The following SPOCD1 variants were observed in gnomAD, a reference collection of about 807,000 sequenced individuals.
SPOCD1 encodes SPOC domain-containing protein 1.
A neutral mutation model predicts 92.2 loss-of-function variants in SPOCD1; 64 were observed. That is an observed-to-expected ratio of 0.69 (90% CI 0.57 to 0.86). The LOEUF (loss-of-function observed/expected upper bound fraction) is 0.86. SPOCD1 is among the 40% of genes least tolerant of loss of function. The pLI, the probability that SPOCD1 is intolerant of heterozygous loss-of-function variation, is 0.00. For synonymous variants in SPOCD1, 578 were observed against 619.3 expected (o/e 0.93, Z 0.99); for missense variants, 1,360 against 1,543.1 (o/e 0.88, Z 1.99).
At chr1:31,807,780 G>C (rs1340705727) in intron 2 of SPOCD1, among the ~76,000 whole-genome samples, 1 of 151,068 alleles carries the variant, frequency 6.6e-6, no homozygotes, top group Non-Finnish European at 1.5e-5. Flanking sequence ...AAGAGAGGAG[G>C]TATAACTAGC....
chr1:31,791,313 A>G, intron 15 of SPOCD1, 22 bp from the exon 16 acceptor site: 2 of 1,480,678 alleles, frequency 1.4e-6, no homozygotes, highest in Non-Finnish European at 9.0e-7. Flanking sequence ...AACTGTGTTC[A>G]GCTTAGCTGC....
At chr1:31,793,517 T>C in intron 12 of SPOCD1, 89 bp from the exon 13 acceptor site, 1 of 1,529,688 alleles carries the variant, frequency 6.5e-7, no homozygotes. Flanking sequence ...AGATCCTGTG[T>C]CCCTACTGTG....
chr1:31,811,696 C>T (rs1649210186), intron 2 of SPOCD1, among the ~76,000 whole-genome samples: 1 of 152,220 alleles, frequency 6.6e-6, no homozygotes, highest in Non-Finnish European at 1.5e-5. Context: ...CCCCATTGCC[C>T]AGGCCCCACT....
At chr1:31,808,689 G>A (rs1248142520) in intron 2 of SPOCD1, among the ~76,000 whole-genome samples, 2 of 152,000 alleles carry the variant, frequency 1.3e-5, no homozygotes, top group African/African-American at 4.8e-5. Flanking sequence ...AACAGTCTTA[G>A]CTAGTACAGT....
Position 31,798,719 on chromosome 1 carries a change from G to T in SPOCD1, c.1869-118C>A. On this transcript the variant is annotated intron_variant, in intron 7 of 15. Coordinates refer to ENST00000360482, the MANE Select transcript of SPOCD1 (RefSeq NM_144569.7). The surrounding 1 kb of genome is among the most constrained non-coding windows in gnomAD (Gnocchi z 4.1). ...CTGGGCCAACTTGTTCCTGTCGTGG[G>T]TGTTTCCCTGCAGGAACCTACTTAT... The T allele has an allele frequency of 1.8e-6, 2 of 1,132,200 alleles. No homozygotes were observed. Among genetic ancestry groups the T allele is most frequent in the Non-Finnish European group, 2.5e-6 (2 of 805,190 alleles). The allele number at this position is 1,132,200 out of a possible 1,614,324, so 70.1% of individuals were successfully genotyped here.
chr1:31,800,414 G>T, intron 4 of SPOCD1, 27 bp downstream of exon 4: 1 of 1,531,970 alleles, frequency 6.5e-7, no homozygotes, highest in Non-Finnish European at 8.8e-7. Context: ...CTCTCAGCAG[G>T]ATTAAATGAC....
intron 2 of SPOCD1, among the ~76,000 whole-genome samples, chr1:31,806,907 CA>C (rs1250412662): frequency 2.6e-5 from 4 of 152,054 alleles, no homozygotes; most frequent in Non-Finnish European, 5.9e-5. Context: ...CTTTGAAATT[CA>C]GTGTATATTT....
At chr1:31,795,755 C>G (rs1466813338) in intron 10 of SPOCD1, 1 of 152,276 alleles carries the variant, frequency 6.6e-6, no homozygotes, top group African/African-American at 2.4e-5. Context: ...AGAACCGTGC[C>G]TGGCACCTGG....
chr1:31,800,606 C>A lies in SPOCD1; in HGVS notation c.1437G>T (p.Gly479=). Residue 479 remains glycine (G), a synonymous_variant, in exon 4 of 16, where the codon GGG becomes GGT. Transcript: ENST00000360482. ...TGGCCCCCAGGAGCTGGATCACTGG[C>A]CCGGAACCCAGCTGCGGGGGAGATC... ...GVKLVCYLGS[G]PVIQLLGAIS... The A allele has an allele frequency of 6.2e-7, 1 of 1,605,148 alleles. No individual in the cohort carries two copies. Among genetic ancestry groups the A allele is most frequent in the Admixed American group, 1.7e-5 (1 of 59,472 alleles).
chr1:31,814,376 G>A lies in SPOCD1; in HGVS notation c.958C>T (p.Gln320Ter). 4 of 1,606,918 alleles carry A rather than the reference G, an allele frequency of 2.5e-6. No individual in the cohort carries two copies. Among genetic ancestry groups the A allele is most frequent in the Non-Finnish European group, 3.4e-6 (4 of 1,176,356 alleles). The change falls in exon 2 of 16, where the codon CAG becomes TAG. Residue 320 changes from glutamine (Q) to a stop codon, truncating the protein, a stop_gained. Coordinates refer to ENST00000360482, the MANE Select transcript of SPOCD1 (RefSeq NM_144569.7). LOFTEE classifies it high-confidence loss of function. This position sits in a 1 kb window ranked among gnomAD's most constrained non-coding sequence, Gnocchi z 4.2. ...SGGESLSSAA[Q>*]APPQSAALCL... ...AGTGCTGCGCTCTGTGGAGGAGCCTGTGCAGCTGAACTGAGGGACTCCCCT... is the reference window on the plus strand; with the variant it reads ...AGTGCTGCGCTCTGTGGAGGAGCCTATGCAGCTGAACTGAGGGACTCCCCT...
In SPOCD1 at chr1:31,801,712, G is replaced by T. The variant is rs770900117; in HGVS notation, c.1384-7C>A. 1 of 1,613,170 alleles carries T rather than the reference G, an allele frequency of 6.2e-7. No homozygotes were observed. Among genetic ancestry groups the T allele is most frequent in the South Asian group, 1.1e-5 (1 of 91,064 alleles). ...GGGGTATTTTCACTTCCTCCTTGGA[G>T]AGAAAGAGGATGCAGAGATTAGAAT... On this transcript the variant is annotated splice_region_variant and splice_polypyrimidine_tract_variant and intron_variant, in intron 2 of 15. Coordinates refer to ENST00000360482, the MANE Select transcript of SPOCD1 (RefSeq NM_144569.7).
chr1:31,806,337 A>G (rs1648816681), intron 2 of SPOCD1, among the ~76,000 whole-genome samples: 1 of 152,206 alleles, frequency 6.6e-6, no homozygotes, highest in Non-Finnish European at 1.5e-5. Flanking sequence ...CATGCAACAT[A>G]TATAAAAATT....
At position 31,798,207 on chromosome 1, in the gene SPOCD1, C is replaced by T. The variant is rs758436572; in HGVS notation, c.2145G>A (p.Arg715=). ...CATCCCGACTGGGCTCAGCACTCACCCTTTTCTCCTCCTGGTCCCGCCAGC... is the reference window on the plus strand; with the variant it reads ...CATCCCGACTGGGCTCAGCACTCACTCTTTTCTCCTCCTGGTCCCGCCAGC... ...LARWRDQEEK[R]GLNIIEQQQK... The change falls in exon 9 of 16, where the codon AGG becomes AGA. Residue 715 remains arginine (R), a splice_region_variant and synonymous_variant. Coordinates refer to ENST00000360482, the MANE Select transcript of SPOCD1 (RefSeq NM_144569.7). The surrounding 1 kb of genome is among the most constrained non-coding windows in gnomAD (Gnocchi z 4.1). 6.2e-7 allele frequency: 1 copy of T among 1,613,452 alleles called. No homozygotes were observed. The highest frequency in any genetic ancestry group is 1.1e-5 in the South Asian group (1 of 91,058).
In SPOCD1 at chr1:31,790,929, C is replaced by T. The variant is rs778687876; in HGVS notation, c.3325G>A (p.Gly1109Arg). The T allele has an allele frequency of 6.7e-5, 105 of 1,577,434 alleles. No homozygotes were observed. Among genetic ancestry groups the T allele is most frequent in the Non-Finnish European group, 7.8e-5 (91 of 1,163,298 alleles). The change falls in exon 16 of 16, where the codon GGG becomes AGG. Residue 1109 changes from glycine (G) to arginine (R), a missense_variant. Gly to Arg is a moderately radical substitution (Grantham distance 125). Transcript: ENST00000360482. ...EPENWQHPGR[G>R]QWPPEPGLRQ... ...AAGCCTGGCTCTGGGGGCCACTGCC[C>T]TCGCCCAGGATGCTGCCAGTTTTCA...
chr1:31,814,282 C>A lies in SPOCD1; in HGVS notation c.1052G>T (p.Ser351Ile). ...QEAVCVVRTG[S>I]DEGQAPAQDQ... Reference sequence around the variant, plus strand: ...CTGTGCTGGAGCCTGGCCTTCATCGCTGCCAGTCCGCACGACACACACAGC... The same window carrying A: ...CTGTGCTGGAGCCTGGCCTTCATCGATGCCAGTCCGCACGACACACACAGC... The change falls in exon 2 of 16, where the codon AGC becomes ATC. Residue 351 changes from serine to isoleucine, a missense_variant. Transcript: ENST00000360482. This position sits in a 1 kb window ranked among gnomAD's most constrained non-coding sequence, Gnocchi z 4.2. The A allele has an allele frequency of 6.3e-7, 1 of 1,579,430 alleles. No homozygotes were observed. Among genetic ancestry groups the A allele is most frequent in the Non-Finnish European group, 8.6e-7 (1 of 1,160,050 alleles).
In SPOCD1 at chr1:31,790,460, A is replaced by G. The variant is rs1647501144; in HGVS notation, c.*143T>C. On this transcript the variant is annotated 3_prime_UTR_variant, in exon 16 of 16. Transcript: ENST00000360482. ...AAATTCTTTATTGAACAAAAAATCA[A>G]CAGCAAACATTGTCAAACAGGAAGT... The G allele has an allele frequency of 1.3e-6, 1 of 775,772 alleles. No individual in the cohort carries two copies. Among genetic ancestry groups the G allele is most frequent in the Non-Finnish European group, 2.1e-6 (1 of 486,720 alleles). 48.1% of individuals were successfully genotyped at this position (775,772 alleles called of 1,614,324 possible). A position where few individuals can be genotyped will look rare whatever the true frequency, so the allele number is the denominator to read the frequency against.
rs780774832 is a variant in SPOCD1, at chr1:31,790,894, G to A, written c.3360C>T (p.Ser1120=). 6.3e-7 allele frequency: 1 copy of A among 1,583,878 alleles called. No individual in the cohort carries two copies. The highest frequency in any genetic ancestry group is 8.6e-7 in the Non-Finnish European group (1 of 1,165,372). Residue 1120 remains serine, a synonymous_variant, in exon 16 of 16, where the codon TCC becomes TCT. Transcript: ENST00000360482. The part of the protein sequence containing the change: ...QWPPEPGLRQ[S]QHPYSVAPAG... ...CTGGTGCTACTGAATAGGGATGCTG[G>A]GACTGGCGCAAGCCTGGCTCTGGGG... is the stretch of plus-strand genomic sequence containing the variant.
In SPOCD1 at chr1:31,794,188, T is replaced by A. The variant is rs1225924105; in HGVS notation, c.2319A>T (p.Ala773=). The change falls in exon 11 of 16, where the codon GCA becomes GCT. Residue 773 remains alanine (A), a synonymous_variant. Transcript: ENST00000360482. ...CATGCTGCCCCGTGGTGTCCTCTGA[T>A]GCGATGGGCAGGGCCTGTGGGCTGC... ...MDCSPQALPI[A]SEDTTGQHDH... The A allele has an allele frequency of 6.2e-7, 1 of 1,613,992 alleles. No individual in the cohort carries two copies. The highest frequency in any genetic ancestry group is 1.1e-5 in the South Asian group (1 of 91,056).
At chr1:31,794,367 T>C (rs1647846820) in intron 10 of SPOCD1, 132 bp from the exon 11 acceptor site, 1 of 536,776 alleles carries the variant, frequency 1.9e-6, no homozygotes, top group African/African-American at 1.9e-5. Flanking sequence ...CAAAATACTG[T>C]GAACTCATAA....
Sources: gnomAD v4.1 joint callset for allele counts (sites outside exome capture counted in the v4.1 genomes callset) on GRCh38, gnomAD v4.1.1 for gene constraint, Gnocchi (gnomAD v3.1) non-coding constraint, MANE v1.5 for transcripts, NCBI Gene and HGNC (gene_info 2026-07-23, HGNC 2026-07-21) for gene names.